Variants in ADAMTS18 observed in about 807,000 individuals in gnomAD.
The protein encoded by ADAMTS18 is A disintegrin and metalloproteinase with thrombospondin motifs 18.
In ADAMTS18, 157 loss-of-function variants were observed where a neutral mutation model predicts 165.9. The observed-to-expected ratio is 0.95, with a 90% CI of 0.83 to 1.08. The LOEUF (loss-of-function observed/expected upper bound fraction) is 1.08, where lower values mean the gene tolerates loss of function less well. Ranked by LOEUF, ADAMTS18 falls within the 50% of genes least tolerant of loss-of-function variation. The probability of loss-of-function intolerance (pLI) is 0.00; values close to 1 mark genes in which losing one functional copy is unlikely to be tolerated. For synonymous variants in ADAMTS18, 782 were observed against 578.2 expected (o/e 1.35, Z -5.06); for missense variants, 2,040 against 1,534.0 (o/e 1.33, Z -5.51).
At chr16:77,332,078 G>C (rs74027613) in intron 12 of ADAMTS18, among the ~76,000 whole-genome samples, 1 of 151,998 alleles carries the variant, frequency 6.6e-6, no homozygotes, top group African/African-American at 2.4e-5. Flanking sequence ...AGGTACTATC[G>C]TTATCCCGTT....
intron 3 of ADAMTS18, among the ~76,000 whole-genome samples, chr16:77,381,302 G>C (rs1404037397): frequency 2.0e-5 from 3 of 151,860 alleles, no homozygotes; most frequent in Non-Finnish European, 4.4e-5. Context: ...AGAGAGGGTG[G>C]GGGTGGGGGA....
intron 3 of ADAMTS18, among the ~76,000 whole-genome samples, chr16:77,387,340 T>G (rs1243290651): frequency 1.3e-5 from 2 of 152,162 alleles, no homozygotes; most frequent in African/African-American, 4.8e-5. Flanking sequence ...CTTTACAATG[T>G]TTTTCAAAAT....
chr16:77,283,865 G>C lies in ADAMTS18; in HGVS notation c.*91C>G, dbSNP rs143121569. ...CAGCGGCAGCTCACAGATGGTTCTCGGTGCTCAGCTCCTGGTCTCAAAGGC... is the reference window on the plus strand; with the variant it reads ...CAGCGGCAGCTCACAGATGGTTCTCCGTGCTCAGCTCCTGGTCTCAAAGGC... On this transcript the variant is annotated 3_prime_UTR_variant, in exon 23 of 23. Coordinates refer to ENST00000282849, the MANE Select transcript of ADAMTS18 (RefSeq NM_199355.4). 3.7e-3 allele frequency: 3,653 copies of C among 990,794 alleles called. 11 individuals are homozygous for C. Among genetic ancestry groups the C allele is most frequent in the Admixed American group, 5.4e-3 (306 of 56,224 alleles). The allele number at this position is 990,794 out of a possible 1,614,324, so 61.4% of individuals were successfully genotyped here.
rs749540928 is a variant in ADAMTS18 at position 77,300,378 on chromosome 16, C to A, written c.2559G>T (p.Gly853=). ...TGGGAAGTGCATACTTCCAAGCTATCCCTGGATTTTTGCCTTGCATCAGAA... is the reference window on the plus strand; with the variant it reads ...TGGGAAGTGCATACTTCCAAGCTATACCTGGATTTTTGCCTTGCATCAGAA... ...FEILMQGKNP[G]IAWKYALPKV... is the part of the protein sequence containing the mutation. Residue 853 remains glycine, a synonymous_variant, in exon 17 of 23, where the codon GGG becomes GGT. Transcript: ENST00000282849. 6.2e-7 allele frequency: 1 copy of A among 1,614,026 alleles called. No homozygotes were observed. The highest frequency in any genetic ancestry group is 8.5e-7 in the Non-Finnish European group (1 of 1,179,970).
intron 3 of ADAMTS18, among the ~76,000 whole-genome samples, chr16:77,429,375 C>A (rs1016548960): frequency 2.6e-5 from 4 of 152,114 alleles, no homozygotes; most frequent in African/African-American, 9.7e-5. Flanking sequence ...TAAGTGGGAG[C>A]TAAATGATGA....
chr16:77,402,721 G>T (rs752145396), intron 3 of ADAMTS18, among the ~76,000 whole-genome samples: 32 of 152,138 alleles, frequency 2.1e-4, no homozygotes, highest in Admixed American at 3.3e-4. Context: ...CAAAGTGAAG[G>T]CTGGATGAGC....
At chr16:77,379,255 G>A (rs945860828) in intron 3 of ADAMTS18, among the ~76,000 whole-genome samples, 8 of 152,138 alleles carry the variant, frequency 5.3e-5, no homozygotes, top group Non-Finnish European at 8.8e-5. Context: ...TCCAGCCTTC[G>A]TCCATTCTGA....
At chr16:77,434,294 T>C (rs754632983) in intron 2 of ADAMTS18, 124 bp downstream of exon 2, 6 of 1,165,932 alleles carry the variant, frequency 5.1e-6, no homozygotes, top group Admixed American at 2.0e-5. Flanking sequence ...ACAGGAACCA[T>C]TTCCAAGACA....
At chr16:77,331,215 G>A (rs2056183600) in intron 12 of ADAMTS18, among the ~76,000 whole-genome samples, 1 of 152,142 alleles carries the variant, frequency 6.6e-6, no homozygotes, top group Non-Finnish European at 1.5e-5. Flanking sequence ...CTACAGATAT[G>A]AGAGAGGTTT....
intron 3 of ADAMTS18, among the ~76,000 whole-genome samples, chr16:77,415,233 T>C (rs2057515056): frequency 6.6e-6 from 1 of 152,240 alleles, no homozygotes; most frequent in Non-Finnish European, 1.5e-5. Flanking sequence ...TGCACTATGC[T>C]TGCCTGCTTC....
chr16:77,327,463 A>G (rs985703622), intron 12 of ADAMTS18, among the ~76,000 whole-genome samples: 1 of 152,250 alleles, frequency 6.6e-6, no homozygotes. Flanking sequence ...TTATGGCAGC[A>G]CAATTTGCAA....
In ADAMTS18 at chr16:77,335,853, T is replaced by C; in HGVS notation, c.1762A>G (p.Ile588Val). ...GACCAGGCGGACCACTGGCCGTGGA[T>C]GGGCCGGGGCCCGAGCTCCCCAAAC... ...VKFGELGPRPIHGQWSAWSKW... is the reference protein window; with the variant it reads ...VKFGELGPRPVHGQWSAWSKW... The change falls in exon 12 of 23, where the codon ATC becomes GTC. Residue 588 changes from isoleucine to valine, a missense_variant. Physicochemically the swap from Ile to Val is conservative, Grantham distance 29 (BLOSUM62 3). Coordinates refer to ENST00000282849, the MANE Select transcript of ADAMTS18 (RefSeq NM_199355.4). 6.2e-7 allele frequency: 1 copy of C among 1,614,160 alleles called. No individual in the cohort carries two copies. Among genetic ancestry groups the C allele is most frequent in the Non-Finnish European group, 8.5e-7 (1 of 1,180,030 alleles).
intron 3 of ADAMTS18, among the ~76,000 whole-genome samples, chr16:77,386,432 A>G (rs2057108610): frequency 6.6e-6 from 1 of 152,206 alleles, no homozygotes. Flanking sequence ...ACTTTTCCCT[A>G]GAGGAATTTG....
chr16:77,292,747 A>T (rs1490236355), intron 20 of ADAMTS18, among the ~76,000 whole-genome samples: 1 of 152,214 alleles, frequency 6.6e-6, no homozygotes, highest in Non-Finnish European at 1.5e-5. Flanking sequence ...ATTTGGTATC[A>T]ATGTGTGCAA....
At chr16:77,321,533 T>G (rs563762584) in intron 14 of ADAMTS18, among the ~76,000 whole-genome samples, 7 of 152,212 alleles carry the variant, frequency 4.6e-5, no homozygotes, top group African/African-American at 1.7e-4. Flanking sequence ...ACAATACACA[T>G]GCATGCATGT....
chr16:77,360,080 G>T (rs920342722), intron 7 of ADAMTS18, among the ~76,000 whole-genome samples: 1 of 151,920 alleles, frequency 6.6e-6, no homozygotes, highest in Non-Finnish European at 1.5e-5. Context: ...TCCAGTTTTG[G>T]GTCCTAATAA....
chr16:77,309,405 C>G (rs1205400959), intron 16 of ADAMTS18, among the ~76,000 whole-genome samples: 4 of 152,130 alleles, frequency 2.6e-5, no homozygotes, highest in Admixed American at 2.0e-4. Context: ...TGAGGTATAT[C>G]CCTTTGACAC....
intron 4 of ADAMTS18, among the ~76,000 whole-genome samples, chr16:77,365,620 A>G (rs1481398094): frequency 6.6e-6 from 1 of 152,240 alleles, no homozygotes; most frequent in Admixed American, 6.5e-5. Flanking sequence ...GAGACCTAGA[A>G]GTGCCTGCTC....
chr16:77,350,659 A>G (rs2056542584), intron 10 of ADAMTS18, among the ~76,000 whole-genome samples: 1 of 152,126 alleles, frequency 6.6e-6, no homozygotes, highest in African/African-American at 2.4e-5. Context: ...TGAACGTTCA[A>G]AATTGAAGAC....
Sources: gnomAD v4.1 joint callset for allele counts (sites outside exome capture counted in the v4.1 genomes callset) on GRCh38, gnomAD v4.1.1 for gene constraint, MANE v1.5 for transcripts, NCBI Gene and HGNC (gene_info 2026-07-23, HGNC 2026-07-21) for gene names.